The following AP2A2 variants were observed in gnomAD, a reference collection of about 807,000 sequenced individuals.
The protein encoded by AP2A2 is AP-2 complex subunit alpha-2.
Under a neutral mutation model 104.2 loss-of-function variants are expected in AP2A2, and 32 were observed. The observed-to-expected ratio is 0.31, with a 90% CI of 0.23 to 0.41. The LOEUF (loss-of-function observed/expected upper bound fraction) is 0.41, where lower values mean the gene tolerates loss of function less well. Among genes scored for constraint, AP2A2 ranks in the 10% least tolerant of loss-of-function variants. The probability of loss-of-function intolerance (pLI) is 1.00; values close to 1 mark genes in which losing one functional copy is unlikely to be tolerated. For missense variants in AP2A2, 912 were observed against 1,261.0 expected (o/e 0.72, Z 4.19); for synonymous variants, 539 against 533.3 (o/e 1.01, Z -0.15).
intron 6 of AP2A2, among the ~76,000 whole-genome samples, chr11:981,893 C>G (rs1053697028): frequency 6.6e-6 from 1 of 152,352 alleles, no homozygotes; most frequent in South Asian, 2.1e-4. Flanking sequence ...GCTGGGGCCG[C>G]GGCTCCTGAA....
At chr11:928,519 G>C (rs1853189242) in intron 1 of AP2A2, among the ~76,000 whole-genome samples, 4 of 152,230 alleles carry the variant, frequency 2.6e-5, no homozygotes, top group Admixed American at 2.6e-4. Context: ...CAACTCAGCA[G>C]AGCTGACATT....
At chr11:1,001,609 A>G (rs1856033105) in intron 15 of AP2A2, among the ~76,000 whole-genome samples, 1 of 151,966 alleles carries the variant, frequency 6.6e-6, no homozygotes, top group South Asian at 2.1e-4. Flanking sequence ...TGGTGGGTGC[A>G]GGTCGCCGCT....
chr11:981,717 T>A (rs923170835), intron 6 of AP2A2, among the ~76,000 whole-genome samples: 1 of 152,288 alleles, frequency 6.6e-6, no homozygotes, highest in Non-Finnish European at 1.5e-5. Flanking sequence ...GCAGCTGTTA[T>A]ACATTCATGT....
chr11:948,048 CTG>C (rs752438816), intron 1 of AP2A2, among the ~76,000 whole-genome samples: 5 of 152,246 alleles, frequency 3.3e-5, no homozygotes, highest in South Asian at 4.1e-4. Flanking sequence ...AAGTTTATAA[CTG>C]TAAATACCTA....
chr11:977,016 C>T (rs970502632), intron 4 of AP2A2, 79 bp from the exon 5 acceptor site: 2 of 1,585,274 alleles, frequency 1.3e-6, no homozygotes, highest in South Asian at 1.1e-5. Flanking sequence ...GCGTCTCCTG[C>T]TGGCTCTGGG....
At chr11:948,239 CAG>C (rs1428852828) in intron 1 of AP2A2, among the ~76,000 whole-genome samples, 2 of 152,110 alleles carry the variant, frequency 1.3e-5, no homozygotes, top group Non-Finnish European at 2.9e-5. Flanking sequence ...AAAGAAGACT[CAG>C]ATTGCTAAAA....
chr11:952,029 T>C (rs1487286890), intron 1 of AP2A2, among the ~76,000 whole-genome samples: 2 of 152,086 alleles, frequency 1.3e-5, no homozygotes, highest in Non-Finnish European at 2.9e-5. Flanking sequence ...CCACCACACC[T>C]AATTTTTTAA....
chr11:926,890 C>T (rs1350193269), intron 1 of AP2A2, among the ~76,000 whole-genome samples: 1 of 152,120 alleles, frequency 6.6e-6, no homozygotes, highest in Non-Finnish European at 1.5e-5. Context: ...GAAGGATGTG[C>T]AGGGTGGCTG....
chr11:960,489 C>T (rs1854394503), intron 2 of AP2A2, among the ~76,000 whole-genome samples: 1 of 152,168 alleles, frequency 6.6e-6, no homozygotes, highest in Non-Finnish European at 1.5e-5. Context: ...CTGCCCGCCT[C>T]GGCCTCCCAA....
At chr11:998,224 A>T (rs921646634) in intron 14 of AP2A2, among the ~76,000 whole-genome samples, 19 of 152,114 alleles carry the variant, frequency 1.2e-4, no homozygotes, top group African/African-American at 4.3e-4. Context: ...AGCACATGAG[A>T]CCCGTGTCGT....
At chr11:942,144 G>A (rs1853671620) in intron 1 of AP2A2, 1 of 152,138 alleles carries the variant, frequency 6.6e-6, no homozygotes, top group Non-Finnish European at 1.5e-5. Context: ...AGCCAGGATG[G>A]TCTCGATCTC....
chr11:926,449 C>T (rs549593287), intron 1 of AP2A2, among the ~76,000 whole-genome samples: 3 of 151,974 alleles, frequency 2.0e-5, no homozygotes, highest in Admixed American at 6.5e-5. Flanking sequence ...CCTTCATCCA[C>T]ATCTCCACTC....
chr11:1,009,970 C>A, intron 21 of AP2A2, 153 bp downstream of exon 21: 1 of 985,664 alleles, frequency 1.0e-6, no homozygotes, highest in Non-Finnish European at 1.5e-6. Flanking sequence ...TGCCTCCCAG[C>A]CTCCCCGCAG....
chr11:959,763 G>C (rs1182453968), intron 2 of AP2A2, among the ~76,000 whole-genome samples: 1 of 152,166 alleles, frequency 6.6e-6, no homozygotes, highest in Non-Finnish European at 1.5e-5. Context: ...CGCAGTATTA[G>C]CCACCAGGCC....
rs540237666 is a variant in AP2A2, at chr11:993,506, C to T, written c.1550+125C>T. 117 of 735,986 alleles carry T rather than the reference C, an allele frequency of 1.6e-4. No individual in the cohort carries two copies. The highest frequency in any genetic ancestry group is 2.9e-4 in the African/African-American group (16 of 55,996). 45.6% of individuals were successfully genotyped at this position (735,986 alleles called of 1,614,324 possible). ...TCGCAGAGCCGCTTCTGCTCCCCAT[C>T]GGCGTCTTTTTGTTTTCCTTCAGTT... On this transcript the variant is annotated intron_variant, in intron 12 of 21. Transcript: ENST00000448903. This position sits in a 1 kb window ranked among gnomAD's most constrained non-coding sequence, Gnocchi z 8.2.
At position 1,008,127 on chromosome 11, in the gene AP2A2, T is replaced by G. The variant is rs779145099; in HGVS notation, c.2412T>G (p.Ile804Met). 6.2e-7 allele frequency: 1 copy of G among 1,606,530 alleles called. No homozygotes were observed. Among genetic ancestry groups the G allele is most frequent in the Non-Finnish European group, 8.5e-7 (1 of 1,177,078 alleles). The change falls in exon 18 of 22, where the codon ATT becomes ATG. Residue 804 changes from isoleucine to methionine, a missense_variant. Transcript: ENST00000448903. ...SDFTEAPVLN[I>M]QFRYGGTFQN... Reference sequence around the variant, plus strand: ...TCACGGAGGCGCCAGTCCTCAACATTCAGTTCAGGTAAGAGCCGCCTGTGC... The same window carrying G: ...TCACGGAGGCGCCAGTCCTCAACATGCAGTTCAGGTAAGAGCCGCCTGTGC...
chr11:983,494 T>C (rs1170924844), intron 6 of AP2A2, among the ~76,000 whole-genome samples: 5 of 152,246 alleles, frequency 3.3e-5, no homozygotes, highest in Non-Finnish European at 7.4e-5. Context: ...GCCATTCTCC[T>C]GCCTCAGCCT....
At chr11:959,564 C>T in intron 2 of AP2A2, 59 bp downstream of exon 2, 1 of 1,167,336 alleles carries the variant, frequency 8.6e-7, no homozygotes, top group Admixed American at 2.3e-5. Flanking sequence ...GTAGTAAGAA[C>T]CCAGTCTTTT....
chr11:1,010,462 C>T, intron 21 of AP2A2, 86 bp from the exon 22 acceptor site: 1 of 1,129,728 alleles, frequency 8.9e-7, no homozygotes, highest in Non-Finnish European at 1.3e-6. Flanking sequence ...TGGGCATGGC[C>T]CACAGGGTTC....
Sources: gnomAD v4.1 joint callset for allele counts (sites outside exome capture counted in the v4.1 genomes callset) on GRCh38, gnomAD v4.1.1 for gene constraint, Gnocchi (gnomAD v3.1) non-coding constraint, MANE v1.5 for transcripts, NCBI Gene and HGNC (gene_info 2026-07-23, HGNC 2026-07-21) for gene names.